Variants in RAB7A observed in about 807,000 individuals in gnomAD.
RAB7A encodes RAB7A, member RAS oncogene family, also known as ras-related protein Rab-7a.
Under a neutral mutation model 24.5 loss-of-function variants are expected in RAB7A, and 2 were observed. The ratio of observed to expected loss-of-function variants is 0.08; its 90% CI spans 0.03 to 0.26. RAB7A has a LOEUF of 0.26. RAB7A is among the 10% of genes least tolerant of loss of function. The probability of loss-of-function intolerance (pLI) is 1.00; values close to 1 mark genes in which losing one functional copy is unlikely to be tolerated. For missense variants in RAB7A, 118 were observed against 255.7 expected, an observed-to-expected ratio of 0.46 and a Z score of 3.67; for synonymous variants, 100 against 95.9, an observed-to-expected ratio of 1.04 and a Z score of -0.25.
chr3:128,805,011 G>A (rs1163400596), intron 3 of RAB7A, among the ~76,000 whole-genome samples: 1 of 152,176 alleles, frequency 6.6e-6, no homozygotes, highest in African/African-American at 2.4e-5. Flanking sequence ...AGTATCACAT[G>A]TGCAGTCTAG....
At chr3:128,731,390 A>C (rs2070435278) in intron 1 of RAB7A, among the ~76,000 whole-genome samples, 1 of 152,246 alleles carries the variant, frequency 6.6e-6, no homozygotes. Context: ...CGGGTCATTT[A>C]AAACCCACTC....
At chr3:128,800,891 A>T (rs1933684966) in intron 3 of RAB7A, among the ~76,000 whole-genome samples, 1 of 152,220 alleles carries the variant, frequency 6.6e-6, no homozygotes, top group South Asian at 2.1e-4. Flanking sequence ...AAGCAAAAGG[A>T]TGACCCTTGT....
intron 1 of RAB7A, chr3:128,749,593 G>A (rs536864637): frequency 6.6e-6 from 1 of 152,240 alleles, no homozygotes; most frequent in Admixed American, 6.5e-5. Context: ...CCTATTTGTT[G>A]TGGGAGGGAC....
At chr3:128,766,898 C>T (rs879880435) in intron 1 of RAB7A, among the ~76,000 whole-genome samples, 26 of 152,082 alleles carry the variant, frequency 1.7e-4, no homozygotes, top group Non-Finnish European at 1.5e-4. Flanking sequence ...ATGGCTGCAC[C>T]ACTTTACATT....
chr3:128,745,795 C>T (rs1010588017), intron 1 of RAB7A, among the ~76,000 whole-genome samples: 8 of 152,244 alleles, frequency 5.3e-5, no homozygotes, highest in African/African-American at 1.7e-4. Context: ...GAATAGGATG[C>T]TTTTGAAGGC....
At chr3:128,774,797 C>A (rs977512147) in intron 1 of RAB7A, among the ~76,000 whole-genome samples, 1 of 152,186 alleles carries the variant, frequency 6.6e-6, no homozygotes, top group Non-Finnish European at 1.5e-5. Context: ...TGGTCTCGAT[C>A]TCCTGCCCTC....
intron 3 of RAB7A, 103 bp downstream of exon 3, chr3:128,798,172 T>A: frequency 6.9e-7 from 1 of 1,456,408 alleles, no homozygotes; most frequent in Non-Finnish European, 9.6e-7. Context: ...TCAAATCTTA[T>A]TATCTTATTT....
chr3:128,757,523 AAT>A (rs1491315167), intron 1 of RAB7A, among the ~76,000 whole-genome samples: 1 of 148,644 alleles, frequency 6.7e-6, no homozygotes, highest in African/African-American at 2.6e-5. Context: ...TTTTAAAAAC[AAT>A]TTTTTTTTTT....
At chr3:128,773,463 A>T (rs1933005863) in intron 1 of RAB7A, among the ~76,000 whole-genome samples, 1 of 142,620 alleles carries the variant, frequency 7.0e-6, no homozygotes, top group Admixed American at 6.9e-5. Context: ...CCCGTCCGGG[A>T]GGGAGGTGGG....
intron 1 of RAB7A, chr3:128,764,992 A>T: frequency 1.3e-6 from 2 of 1,594,394 alleles, no homozygotes; most frequent in East Asian, 2.2e-5. Flanking sequence ...GTTCTGGCGC[A>T]CCTGCGAGGT....
chr3:128,771,962 C>G (rs1559788540), intron 1 of RAB7A, among the ~76,000 whole-genome samples: 1 of 152,174 alleles, frequency 6.6e-6, no homozygotes, highest in Non-Finnish European at 1.5e-5. Flanking sequence ...TCCAAATACC[C>G]TCAAAACTCA....
chr3:128,808,919 T>TC (rs1441934693), intron 5 of RAB7A, among the ~76,000 whole-genome samples: 1 of 152,048 alleles, frequency 6.6e-6, no homozygotes, highest in Non-Finnish European at 1.5e-5. Flanking sequence ...CACTAAGTGT[T>TC]CCAGAATGAA....
At chr3:128,802,089 A>G (rs1933710304) in intron 3 of RAB7A, among the ~76,000 whole-genome samples, 2 of 152,234 alleles carry the variant, frequency 1.3e-5, no homozygotes, top group South Asian at 4.1e-4. Flanking sequence ...GGATAACTCC[A>G]GGCAGAAAGT....
chr3:128,805,729 C>T (rs1464776675), intron 3 of RAB7A, among the ~76,000 whole-genome samples: 1 of 151,990 alleles, frequency 6.6e-6, no homozygotes, highest in Non-Finnish European at 1.5e-5. Flanking sequence ...CTTGGCTCAC[C>T]GCAACCTGCG....
At chr3:128,770,560 C>T (rs570328535) in intron 1 of RAB7A, among the ~76,000 whole-genome samples, 77 of 152,188 alleles carry the variant, frequency 5.1e-4, no homozygotes, top group African/African-American at 1.6e-3. Flanking sequence ...TCACCGGATA[C>T]GCTGGAGAGT....
chr3:128,772,089 T>C (rs1446913260), intron 1 of RAB7A, among the ~76,000 whole-genome samples: 3 of 152,174 alleles, frequency 2.0e-5, no homozygotes, highest in African/African-American at 7.2e-5. Context: ...TACAACCAGT[T>C]CAGGGAGAGT....
chr3:128,810,191 C>T (rs1933895750), intron 5 of RAB7A, among the ~76,000 whole-genome samples: 1 of 151,774 alleles, frequency 6.6e-6, no homozygotes, highest in African/African-American at 2.4e-5. Flanking sequence ...TGTGAACCGC[C>T]CGCCTCAGCC....
intron 3 of RAB7A, among the ~76,000 whole-genome samples, chr3:128,800,078 G>GATT (rs1479866925): frequency 6.6e-6 from 1 of 152,186 alleles, no homozygotes; most frequent in Non-Finnish European, 1.5e-5. Flanking sequence ...TTAAACTGTA[G>GATT]ATTAAATGGA....
intron 1 of RAB7A, among the ~76,000 whole-genome samples, chr3:128,740,897 CAAAAAAAAA>C (rs59043831): frequency 1.4e-3 from 110 of 79,608 alleles, no homozygotes; most frequent in Middle Eastern, 0.011. Flanking sequence ...GGAGATGTCT[CAAAAAAAAA>C]AAAAAAAAAA....
Sources: gnomAD v4.1 joint callset for allele counts (sites outside exome capture counted in the v4.1 genomes callset) on GRCh38, gnomAD v4.1.1 for gene constraint, MANE v1.5 for transcripts, NCBI Gene and HGNC (gene_info 2026-07-23, HGNC 2026-07-21) for gene names.